ARID3A: variants seen among roughly 807,000 people sequenced by gnomAD.
ARID3A encodes AT-rich interactive domain-containing protein 3A.
Under a neutral mutation model 52.7 loss-of-function variants are expected in ARID3A, and 11 were observed. The ratio of observed to expected loss-of-function variants is 0.21; its 90% confidence interval spans 0.13 to 0.35. ARID3A has a LOEUF of 0.35. Among genes scored for constraint, ARID3A ranks in the 10% least tolerant of loss-of-function variants. The pLI is 1.00. For synonymous variants in ARID3A, 404 were observed against 359.4 expected, an observed-to-expected ratio of 1.12 and a Z score of -1.40; for missense variants, 721 against 838.5, an observed-to-expected ratio of 0.86 and a Z score of 1.73.
intron 8 of ARID3A, among the ~76,000 whole-genome samples, chr19:969,291 C>G (rs1454628344): frequency 6.6e-6 from 1 of 151,972 alleles, no homozygotes; most frequent in Non-Finnish European, 1.5e-5. Flanking sequence ...AGTTCCAGCA[C>G]TTCGGGAGGT....
chr19:947,747 T>C lies in ARID3A; in HGVS notation c.694-12345T>C, dbSNP rs1318396083. 1.3e-5 allele frequency among the ~76,000 whole-genome samples: 2 copies of C among 152,172 alleles called. No homozygotes were observed. The highest frequency in any genetic ancestry group is 2.9e-5 in the Non-Finnish European group (2 of 68,014). On this transcript the variant is annotated intron_variant, in intron 3 of 8. Transcript: ENST00000263620. The surrounding 1 kb of genome is among the most constrained non-coding windows in gnomAD (Gnocchi z 6.3). ...TCATTTCTGGAGAGTGTTATTAATA[T>C]CCGCCCCGTGGGTGCGGCGCTGTGT...
rs2037705757 is a variant in ARID3A, at chr19:947,243, G to T, written c.694-12849G>T. On this transcript the variant is annotated intron_variant, in intron 3 of 8. Transcript: ENST00000263620. This position sits in a 1 kb window ranked among gnomAD's most constrained non-coding sequence, Gnocchi z 6.3. The stretch of plus-strand genomic sequence containing the variant: ...CTGCATCTGTGAAACGGGTTTCCTG[G>T]CAGATAGAGGGGCTGCTTAAGGCCA... 6.6e-6 allele frequency among the ~76,000 whole-genome samples: 1 copy of T among 152,192 alleles called. No individual in the cohort carries two copies. Among genetic ancestry groups the T allele is most frequent in the Admixed American group, 6.5e-5 (1 of 15,274 alleles).
rs112098130 is a variant in ARID3A at position 939,385 on chromosome 19, G to A, written c.693+6643G>A. Among the ~76,000 whole-genome samples the A allele has an allele frequency of 7.0e-3, 1,060 of 152,208 alleles. 12 individuals are homozygous for A. Among genetic ancestry groups the A allele is most frequent in the Middle Eastern group, 0.027 (8 of 294 alleles). ...GCCCGCCTCGGCCTCCCAGAGTGCT[G>A]GGATGACAGGCCTGAGCCACCGCGC... On this transcript the variant is annotated intron_variant, in intron 3 of 8. Transcript: ENST00000263620.
At chr19:969,825 A>G (rs1019691360) in intron 8 of ARID3A, among the ~76,000 whole-genome samples, 1 of 150,126 alleles carries the variant, frequency 6.7e-6, no homozygotes, top group African/African-American at 2.5e-5. Context: ...AGTAGCTGGG[A>G]CTACAGGCGT....
In ARID3A at chr19:960,885, G is replaced by A. The variant is rs2038026641; in HGVS notation, c.766+721G>A. Among the ~76,000 whole-genome samples the A allele has an allele frequency of 6.6e-6, 1 of 152,178 alleles. No individual in the cohort carries two copies. The highest frequency in any genetic ancestry group is 6.5e-5 in the Admixed American group (1 of 15,280). On this transcript the variant is annotated intron_variant, in intron 4 of 8. Transcript: ENST00000263620. The surrounding 1 kb of genome is among the most constrained non-coding windows in gnomAD (Gnocchi z 4.3). ...CTGGTGTCCAGGTGGGGAAACTGAGGTCCAGACACAAGACAGACTCAGACG... is the reference window on the plus strand; with the variant it reads ...CTGGTGTCCAGGTGGGGAAACTGAGATCCAGACACAAGACAGACTCAGACG...
Position 929,715 on chromosome 19 carries a change from G to A in ARID3A, c.187G>A (p.Ala63Thr). ...RMQRAQMAALAAMRAAAAGLG... is the reference protein window; with the variant it reads ...RMQRAQMAALTAMRAAAAGLG... ...GCAGCGGGCTCAGATGGCCGCACTG[G>A]CAGCCATGCGGGCTGCAGCTGCGGG... Residue 63 changes from alanine to threonine, a missense_variant, in exon 2 of 9, where the codon GCA becomes ACA. Coordinates refer to ENST00000263620, the MANE Select transcript of ARID3A (RefSeq NM_005224.3). The surrounding 1 kb of genome is among the most constrained non-coding windows in gnomAD (Gnocchi z 6.2). 6.4e-7 allele frequency: 1 copy of A among 1,564,128 alleles called. No individual in the cohort carries two copies. The highest frequency in any genetic ancestry group is 1.3e-5 in the African/African-American group (1 of 74,444).
chr19:936,261 G>T (rs1473881719), intron 3 of ARID3A, among the ~76,000 whole-genome samples: 1 of 152,188 alleles, frequency 6.6e-6, no homozygotes, highest in African/African-American at 2.4e-5. Flanking sequence ...TGTTTTAATT[G>T]TACGATTGGG....
chr19:955,967 C>T (rs569518289), intron 3 of ARID3A, among the ~76,000 whole-genome samples: 2 of 152,258 alleles, frequency 1.3e-5, no homozygotes, highest in South Asian at 2.1e-4. Flanking sequence ...AGGAGCCTTC[C>T]GCCTCTCCCA....
chr19:934,895 A>G (rs1294376278), intron 3 of ARID3A, among the ~76,000 whole-genome samples: 1 of 152,212 alleles, frequency 6.6e-6, no homozygotes, highest in Non-Finnish European at 1.5e-5. Context: ...GGCCTGAGCC[A>G]CGGTGCCCAG....
chr19:936,701 G>A (rs1368613587), intron 3 of ARID3A, among the ~76,000 whole-genome samples: 3 of 152,160 alleles, frequency 2.0e-5, no homozygotes, highest in African/African-American at 7.2e-5. Flanking sequence ...AATTAGCCGG[G>A]CGTGGCAGCA....
At chr19:951,176 C>G (rs1405387270) in intron 3 of ARID3A, among the ~76,000 whole-genome samples, 1 of 152,074 alleles carries the variant, frequency 6.6e-6, no homozygotes, top group Admixed American at 6.5e-5. Context: ...AGGCTGATCT[C>G]AAACTCCTGG....
rs1294550833 is a variant in ARID3A, at chr19:929,930, G to C, written c.368+34G>C. On this transcript the variant is annotated intron_variant, in intron 2 of 8. Coordinates refer to ENST00000263620, the MANE Select transcript of ARID3A (RefSeq NM_005224.3). This position sits in a 1 kb window ranked among gnomAD's most constrained non-coding sequence, Gnocchi z 6.2. ...GGGTCTGGGGCAGGGCCTTCTGGGG[G>C]CTGTTACTGGCTCTGAGTGTCACTC... 3 of 1,536,006 alleles carry C rather than the reference G, an allele frequency of 2.0e-6. No homozygotes were observed. In the South Asian group the frequency reaches 3.6e-5, roughly 18 times the overall value.
chr19:930,570 C>G (rs568066657), intron 2 of ARID3A, among the ~76,000 whole-genome samples: 4 of 146,674 alleles, frequency 2.7e-5, no homozygotes, highest in East Asian at 2.1e-4. Context: ...AGTGCAGTGG[C>G]GTGATCTCAG....
Position 974,432 on chromosome 19 carries a change from G to C in ARID3A, c.*2367G>C, listed in dbSNP as rs112023939. On this transcript the variant is annotated 3_prime_UTR_variant, in exon 9 of 9. Transcript: ENST00000263620. ...TCGCAGAACCACCTGGACTCTGTCC[G>C]TGTCTGTCCCCCGGCCTCCAGGGCT... 102 of 231,106 alleles carry C rather than the reference G, an allele frequency of 4.4e-4. 1 individual carries two copies. The highest frequency in any genetic ancestry group is 2.1e-3 in the African/African-American group (97 of 45,296). 14.3% of individuals were successfully genotyped at this position (231,106 alleles called of 1,614,324 possible).
chr19:934,116 C>G (rs1055480767), intron 3 of ARID3A, among the ~76,000 whole-genome samples: 4 of 152,160 alleles, frequency 2.6e-5, no homozygotes, highest in Admixed American at 2.0e-4. Flanking sequence ...CTGCCCGGGA[C>G]TCAGCCCGCA....
Position 942,187 on chromosome 19 carries a change from C to A in ARID3A, c.693+9445C>A, listed in dbSNP as rs1288241325. ...GGGGGTGCACCCCCACCCTCTCCGA[C>A]CCCGAGGAGCTGCCGGCAGAGCCCT... On this transcript the variant is annotated intron_variant, in intron 3 of 8. Coordinates refer to ENST00000263620, the MANE Select transcript of ARID3A (RefSeq NM_005224.3). This position sits in a 1 kb window ranked among gnomAD's most constrained non-coding sequence, Gnocchi z 8.1. 3.9e-5 allele frequency among the ~76,000 whole-genome samples: 6 copies of A among 152,152 alleles called. No individual in the cohort carries two copies. Among genetic ancestry groups the A allele is most frequent in the Non-Finnish European group, 7.4e-5 (5 of 68,004 alleles).
At chr19:966,948 A>G (rs764558722) in intron 7 of ARID3A, 80 bp downstream of exon 7, 7 of 1,432,864 alleles carry the variant, frequency 4.9e-6, no homozygotes, top group Non-Finnish European at 6.4e-6. Context: ...ATATGTAAAG[A>G]GTGCCAACAA....
In ARID3A at chr19:941,983, T is replaced by A. The variant is rs2037565804; in HGVS notation, c.693+9241T>A. 1.3e-5 allele frequency among the ~76,000 whole-genome samples: 2 copies of A among 152,144 alleles called. No individual in the cohort carries two copies. Among genetic ancestry groups the A allele is most frequent in the African/African-American group, 4.8e-5 (2 of 41,424 alleles). Reference sequence around the variant, plus strand: ...TGGACCCTGAAGCATGAGGTCGCGGTGGGGCCTATTAACCATTAGACCCCC... The same window carrying A: ...TGGACCCTGAAGCATGAGGTCGCGGAGGGGCCTATTAACCATTAGACCCCC... On this transcript the variant is annotated intron_variant, in intron 3 of 8. Coordinates refer to ENST00000263620, the MANE Select transcript of ARID3A (RefSeq NM_005224.3). The surrounding 1 kb of genome is among the most constrained non-coding windows in gnomAD (Gnocchi z 6.9).
intron 3 of ARID3A, among the ~76,000 whole-genome samples, chr19:952,855 G>A (rs557621283): frequency 3.3e-5 from 5 of 152,260 alleles, no homozygotes; most frequent in Admixed American, 6.5e-5. Context: ...GCCCCCCGCA[G>A]CTGCTGGGAC....
Sources: gnomAD v4.1 joint callset for allele counts (sites outside exome capture counted in the v4.1 genomes callset) on GRCh38, gnomAD v4.1.1 for gene constraint, Gnocchi (gnomAD v3.1) non-coding constraint, MANE v1.5 for transcripts, NCBI Gene and HGNC (gene_info 2026-07-23, HGNC 2026-07-21) for gene names.